The following CADM1 variants were observed in gnomAD, a reference collection of about 807,000 sequenced individuals.
CADM1 encodes the protein cell adhesion molecule 1.
Under a neutral mutation model 53.1 loss-of-function variants are expected in CADM1, and 15 were observed. The ratio of observed to expected loss-of-function variants is 0.28; its 90% CI spans 0.19 to 0.44. The LOEUF (loss-of-function observed/expected upper bound fraction) is 0.44, where lower values mean the gene tolerates loss of function less well. Ranked by LOEUF, CADM1 falls within the 20% of genes least tolerant of loss-of-function variation. The pLI is 1.00. For synonymous variants in CADM1, 281 were observed against 243.0 expected, an observed-to-expected ratio of 1.16 and a Z score of -1.45; for missense variants, 434 against 611.3, an observed-to-expected ratio of 0.71 and a Z score of 3.06.
At chr11:115,393,595 CAG>C (rs1591774315) in intron 1 of CADM1, among the ~76,000 whole-genome samples, 2 of 146,682 alleles carry the variant, frequency 1.4e-5, no homozygotes, top group African/African-American at 5.0e-5. Flanking sequence ...TTTTTAAAAA[CAG>C]AATGCATTCT....
At chr11:115,375,115 G>T (rs1298615358) in intron 1 of CADM1, among the ~76,000 whole-genome samples, 3 of 152,118 alleles carry the variant, frequency 2.0e-5, no homozygotes, top group Admixed American at 6.5e-5. Flanking sequence ...TCTTTAAAAT[G>T]ATCCATGGTT....
chr11:115,273,691 A>G (rs564903973), intron 1 of CADM1, among the ~76,000 whole-genome samples: 30 of 152,374 alleles, frequency 2.0e-4, no homozygotes, highest in African/African-American at 7.0e-4. Context: ...ACAAAAGCAA[A>G]TGGTAAATGC....
chr11:115,291,502 G>T (rs537037892), intron 1 of CADM1, among the ~76,000 whole-genome samples: 2 of 152,140 alleles, frequency 1.3e-5, no homozygotes, highest in Non-Finnish European at 1.5e-5. Context: ...CCTAGCAAAC[G>T]GGAGCTCATT....
In CADM1 at chr11:115,221,653, C is replaced by T. The variant is rs1171714500; in HGVS notation, c.722-3662G>A. Among the ~76,000 whole-genome samples the T allele has an allele frequency of 2.3e-4, 35 of 152,188 alleles. 1 individual carries two copies. Among genetic ancestry groups the T allele is most frequent in the Admixed American group, 2.2e-3 (34 of 15,272 alleles). ...GAAGATGAAACTCAAGATTCTGAACCTGTATTTCAGTTTCCTATGTAAATG... is the reference window on the plus strand; with the variant it reads ...GAAGATGAAACTCAAGATTCTGAACTTGTATTTCAGTTTCCTATGTAAATG... On this transcript the variant is annotated intron_variant, in intron 5 of 11. Transcript: ENST00000331581.
chr11:115,208,941 C>T (rs562287981), intron 8 of CADM1, among the ~76,000 whole-genome samples: 1 of 152,308 alleles, frequency 6.6e-6, no homozygotes, highest in East Asian at 1.9e-4. Context: ...GATAAAGCCG[C>T]AGAGTTAGAA....
At chr11:115,186,353 G>GA (rs1156767933) in intron 10 of CADM1, among the ~76,000 whole-genome samples, 2 of 151,894 alleles carry the variant, frequency 1.3e-5, no homozygotes, top group African/African-American at 2.4e-5. Context: ...TTGATGCTGG[G>GA]AAAAAAAATC....
In CADM1 at chr11:115,295,506, TTATATATATATATATA is replaced by T. The variant is rs71066412; in HGVS notation, c.125-55102_125-55087del. On this transcript the variant is annotated intron_variant, in intron 1 of 11. Transcript: ENST00000331581. Reference sequence around the variant, plus strand: ...TACTATATGCTTTGATCAAGATATTTTATATATATATATATATATATATATATATATATATATATAT... The same window carrying T: ...TACTATATGCTTTGATCAAGATATTTTATATATATATATATATATATATAT... Among the ~76,000 whole-genome samples the T allele has an allele frequency of 1.4e-3, 79 of 55,036 alleles. 2 individuals carry two copies. In the South Asian group the frequency reaches 0.029, roughly 20 times the overall value. 36.1% of individuals were successfully genotyped at this position (55,036 alleles called of 152,430 possible).
At chr11:115,432,840 C>T (rs1177809629) in intron 1 of CADM1, among the ~76,000 whole-genome samples, 3 of 152,176 alleles carry the variant, frequency 2.0e-5, no homozygotes, top group Non-Finnish European at 4.4e-5. Flanking sequence ...AAGAGTCTAT[C>T]GGCTTACAAA....
chr11:115,331,164 G>T (rs45543336), intron 1 of CADM1, among the ~76,000 whole-genome samples: 29,591 of 152,000 alleles, frequency 0.19, 4,095 homozygotes, highest in African/African-American at 0.39. Flanking sequence ...TGGTTTTTTT[G>T]AGACAATTTC....
chr11:115,412,025 A>G (rs1275084693), intron 1 of CADM1, among the ~76,000 whole-genome samples: 1 of 152,200 alleles, frequency 6.6e-6, no homozygotes, highest in Non-Finnish European at 1.5e-5. Flanking sequence ...AAAGCTTGAA[A>G]ATATGCTAGT....
chr11:115,206,690 C>A (rs1478753725), intron 8 of CADM1, among the ~76,000 whole-genome samples: 1 of 144,870 alleles, frequency 6.9e-6, no homozygotes, highest in African/African-American at 2.6e-5. Context: ...TAATGAAACC[C>A]TGACCTAGGG....
chr11:115,229,177 G>A lies in CADM1; in HGVS notation c.657C>T (p.Ile219=). 6.2e-7 allele frequency: 1 copy of A among 1,614,126 alleles called. No homozygotes were observed. The highest frequency in any genetic ancestry group is 8.5e-7 in the Non-Finnish European group (1 of 1,180,010). The change falls in exon 5 of 12, where the codon ATC becomes ATT. Residue 219 remains isoleucine, a synonymous_variant. Transcript: ENST00000331581. ...TGACCGCAGGGTGCTCCACCTGGCAGATCACTGGGACCCCATCGTCCTCCT... is the reference window on the plus strand; with the variant it reads ...TGACCGCAGGGTGCTCCACCTGGCAAATCACTGGGACCCCATCGTCCTCCT... The part of the protein sequence containing the change: ...VHKEDDGVPV[I]CQVEHPAVTG...
At chr11:115,441,194 A>G (rs1591242733) in intron 1 of CADM1, among the ~76,000 whole-genome samples, 1 of 151,868 alleles carries the variant, frequency 6.6e-6, no homozygotes, top group South Asian at 2.1e-4. Flanking sequence ...GCTTGTACCT[A>G]TAGGCTTAGA....
At position 115,222,440 on chromosome 11, in the gene CADM1, A is replaced by G. The variant is rs374447821; in HGVS notation, c.722-4449T>C. Among the ~76,000 whole-genome samples, 11 of 152,314 alleles carry G rather than the reference A, an allele frequency of 7.2e-5. No individual in the cohort carries two copies. The South Asian group carries it at 1.0e-3, about 14-fold the overall frequency. ...AATGCCAGGTGACTGGGATTGGTGA[A>G]TGAACGGAGTCACACAGAGCTCTCA... is the stretch of plus-strand genomic sequence containing the variant. On this transcript the variant is annotated intron_variant, in intron 5 of 11. Coordinates refer to ENST00000331581, the MANE Select transcript of CADM1 (RefSeq NM_001301043.2).
Position 115,404,327 on chromosome 11 carries a change from G to GAAAAAAAAAAA in CADM1, c.124+99933_124+99943dup, listed in dbSNP as rs1216372271. ...GGCGACAGAGCAAGAATCTGTCTCG[G>GAAAAAAAAAAA]AAAAAAAAAAAAAAAAAAAATATAT... is the stretch of plus-strand genomic sequence containing the variant. On this transcript the variant is annotated intron_variant, in intron 1 of 11. Coordinates refer to ENST00000331581, the MANE Select transcript of CADM1 (RefSeq NM_001301043.2). Among the ~76,000 whole-genome samples, 19 of 5,830 alleles carry GAAAAAAAAAAA rather than the reference G, an allele frequency of 3.3e-3. 1 individual carries two copies. Among genetic ancestry groups the GAAAAAAAAAAA allele is most frequent in the Non-Finnish European group, 4.7e-3 (14 of 3,000 alleles). The allele number at this position is 5,830 out of a possible 152,430, so 3.8% of individuals were successfully genotyped here. A position where few individuals can be genotyped will look rare whatever the true frequency, so the allele number is the denominator to read the frequency against.
chr11:115,401,194 G>C (rs1034769410), intron 1 of CADM1, among the ~76,000 whole-genome samples: 1 of 152,144 alleles, frequency 6.6e-6, no homozygotes. Flanking sequence ...GCCATGAAAA[G>C]ACATAAAGGA....
intron 1 of CADM1, among the ~76,000 whole-genome samples, chr11:115,389,364 C>T (rs1591770657): frequency 6.6e-6 from 1 of 152,264 alleles, no homozygotes; most frequent in South Asian, 2.1e-4. Flanking sequence ...ATAACATACA[C>T]GGTGTTCCTA....
At chr11:115,209,053 T>C (rs1228223939) in intron 8 of CADM1, among the ~76,000 whole-genome samples, 1 of 152,214 alleles carries the variant, frequency 6.6e-6, no homozygotes, top group Non-Finnish European at 1.5e-5. Flanking sequence ...TCTGATCTCT[T>C]GTGACTACCT....
At chr11:115,302,040 G>GAC (rs373867734) in intron 1 of CADM1, among the ~76,000 whole-genome samples, 7 of 151,804 alleles carry the variant, frequency 4.6e-5, no homozygotes, top group Non-Finnish European at 7.4e-5. Flanking sequence ...AGTAAACGCA[G>GAC]ACACACACAC....
Sources: gnomAD v4.1 joint callset for allele counts (sites outside exome capture counted in the v4.1 genomes callset) on GRCh38, gnomAD v4.1.1 for gene constraint, MANE v1.5 for transcripts, NCBI Gene and HGNC (gene_info 2026-07-23, HGNC 2026-07-21) for gene names.